The following HECA variants were observed in gnomAD, a reference collection of about 807,000 sequenced individuals.
The protein encoded by HECA is HECA ribonucleoprotein granule regulator, also known as headcase protein homolog.
In HECA, 13 loss-of-function variants were observed where a neutral mutation model predicts 37.6. That is an observed-to-expected ratio of 0.35 (90% confidence interval 0.23 to 0.55). The LOEUF (loss-of-function observed/expected upper bound fraction) is 0.55, where lower values mean the gene tolerates loss of function less well. Among genes scored for constraint, HECA ranks in the 20% least tolerant of loss-of-function variants. The probability of loss-of-function intolerance (pLI) is 0.90; values close to 1 mark genes in which losing one functional copy is unlikely to be tolerated. For missense variants in HECA, 527 were observed against 701.9 expected (o/e 0.75, Z 2.82); for synonymous variants, 307 against 291.5 (o/e 1.05, Z -0.54).
intron 2 of HECA, among the ~76,000 whole-genome samples, chr6:139,168,886 A>C (rs527888542): frequency 6.6e-6 from 1 of 152,172 alleles, no homozygotes; most frequent in Non-Finnish European, 1.5e-5. Context: ...AATTTTGAAG[A>C]CATTTCTTTA....
chr6:139,153,020 A>G (rs944226384), intron 1 of HECA: 2 of 152,188 alleles, frequency 1.3e-5, no homozygotes, highest in African/African-American at 4.8e-5. Context: ...GGAATGGGCC[A>G]AGGCTGAAGC....
intron 1 of HECA, among the ~76,000 whole-genome samples, chr6:139,158,871 C>G (rs1350996427): frequency 6.6e-6 from 1 of 151,940 alleles, no homozygotes; most frequent in Non-Finnish European, 1.5e-5. Flanking sequence ...GTCAGGAGTT[C>G]AAGACCAGCC....
At chr6:139,141,735 T>A (rs1774514699) in intron 1 of HECA, among the ~76,000 whole-genome samples, 1 of 144,736 alleles carries the variant, frequency 6.9e-6, no homozygotes, top group Non-Finnish European at 1.5e-5. Flanking sequence ...ATGAGAGCCC[T>A]CATGGCCTAA....
Position 139,167,982 on chromosome 6 carries a change from TC to T in HECA, c.1312+660del, listed in dbSNP as rs1447192987. Among the ~76,000 whole-genome samples, 3 of 152,300 alleles carry T rather than the reference TC, an allele frequency of 2.0e-5. No homozygotes were observed. In the East Asian group the frequency reaches 5.8e-4, roughly 29 times the overall value. On this transcript the variant is annotated intron_variant, in intron 2 of 3. Coordinates refer to ENST00000367658, the MANE Select transcript of HECA (RefSeq NM_016217.3). ...TCAGTTCATGTACAACTACTGAACT[TC>T]CATAAAGATGAGACACATCACATAT...
At chr6:139,175,418 T>G (rs916442115) in intron 3 of HECA, among the ~76,000 whole-genome samples, 1 of 152,148 alleles carries the variant, frequency 6.6e-6, no homozygotes, top group Non-Finnish European at 1.5e-5. Flanking sequence ...GTAAAGAGAG[T>G]ATCTTTACTA....
rs551402071 is a variant in HECA at position 139,167,242 on chromosome 6, G to A, written c.1230G>A (p.Gln410=). 42 of 1,613,986 alleles carry A rather than the reference G, an allele frequency of 2.6e-5. 1 individual carries two copies. In the South Asian group the frequency reaches 4.5e-4, roughly 17 times the overall value. ...ACCGGGCGCTCCCGGTGTTCGAACA[G>A]TTCCCACTGGTGGATGGAACTTTGT... The part of the protein sequence containing the change: ...LCHRALPVFE[Q]FPLVDGTLFL... The change falls in exon 2 of 4, where the codon CAG becomes CAA. Residue 410 remains glutamine (Q), a synonymous_variant. Transcript: ENST00000367658.
At chr6:139,153,710 C>T (rs1357480128) in intron 1 of HECA, among the ~76,000 whole-genome samples, 1 of 152,114 alleles carries the variant, frequency 6.6e-6, no homozygotes, top group Non-Finnish European at 1.5e-5. Flanking sequence ...GGAGCCACCG[C>T]ACCCGGCCTA....
chr6:139,150,824 C>T (rs1010760486), intron 1 of HECA, among the ~76,000 whole-genome samples: 7 of 152,132 alleles, frequency 4.6e-5, no homozygotes. Context: ...TAAAATATCA[C>T]TAGCTTAAAC....
intron 1 of HECA, among the ~76,000 whole-genome samples, chr6:139,143,859 C>CAAAA (rs59382752): frequency 9.6e-5 from 13 of 135,356 alleles, no homozygotes; most frequent in Non-Finnish European, 1.1e-4. Flanking sequence ...GACTCTGTCT[C>CAAAA]AAAAAAAAAA....
intron 1 of HECA, among the ~76,000 whole-genome samples, chr6:139,137,154 C>G (rs1425499580): frequency 3.3e-5 from 5 of 152,066 alleles, no homozygotes; most frequent in Non-Finnish European, 7.4e-5. Context: ...TCTTCATGTT[C>G]TTTTGTTTTT....
intron 1 of HECA, among the ~76,000 whole-genome samples, chr6:139,161,648 T>G (rs183010072): frequency 1.1e-3 from 173 of 152,368 alleles, no homozygotes; most frequent in African/African-American, 4.1e-3. Flanking sequence ...TTCTTTAGTG[T>G]GAAAATACTT....
chr6:139,175,428 A>G (rs1304391082), intron 3 of HECA, among the ~76,000 whole-genome samples: 1 of 152,184 alleles, frequency 6.6e-6, no homozygotes, highest in Non-Finnish European at 1.5e-5. Flanking sequence ...TATCTTTACT[A>G]TTATCAGTAG....
intron 1 of HECA, among the ~76,000 whole-genome samples, chr6:139,137,019 G>C (rs940130084): frequency 6.6e-6 from 1 of 152,226 alleles, no homozygotes; most frequent in African/African-American, 2.4e-5. Context: ...TCGCCTGTTA[G>C]AACTGTAGGC....
intron 1 of HECA, among the ~76,000 whole-genome samples, chr6:139,136,282 AAAAAGAAAAG>A (rs1313474957): frequency 1.3e-5 from 2 of 151,674 alleles, no homozygotes; most frequent in Non-Finnish European, 2.9e-5. Flanking sequence ...AAAAAAAAAA[AAAAAGAAAAG>A]AAAGAAAAGA....
At chr6:139,164,681 G>T (rs191043929) in intron 1 of HECA, among the ~76,000 whole-genome samples, 8 of 152,252 alleles carry the variant, frequency 5.3e-5, no homozygotes, top group Admixed American at 3.9e-4. Flanking sequence ...GTGATGAATT[G>T]TATTGAAAAT....
At chr6:139,143,253 G>T (rs1209750330) in intron 1 of HECA, among the ~76,000 whole-genome samples, 9 of 152,154 alleles carry the variant, frequency 5.9e-5, no homozygotes. Flanking sequence ...TGTGAAAGAC[G>T]TTGGCACAGG....
chr6:139,169,486 C>T (rs1315138320), intron 2 of HECA: 3 of 152,200 alleles, frequency 2.0e-5, no homozygotes, highest in African/African-American at 7.2e-5. Context: ...GGAAAGGGAG[C>T]TGAAATTGCA....
chr6:139,148,473 G>T (rs1274369756), intron 1 of HECA, among the ~76,000 whole-genome samples: 1 of 152,146 alleles, frequency 6.6e-6, no homozygotes, highest in African/African-American at 2.4e-5. Context: ...CTCAGAATTG[G>T]TTGCAACCCG....
At chr6:139,146,873 G>A (rs1046596137) in intron 1 of HECA, among the ~76,000 whole-genome samples, 4 of 152,176 alleles carry the variant, frequency 2.6e-5, no homozygotes, top group African/African-American at 9.7e-5. Flanking sequence ...ACTGTGTTAG[G>A]CATATAGTTT....
Sources: allele counts gnomAD v4.1 joint callset (sites outside exome capture counted in the v4.1 genomes callset), GRCh38; gene constraint gnomAD v4.1.1; transcripts MANE v1.5; gene names NCBI Gene and HGNC (gene_info 2026-07-23, HGNC 2026-07-21).